The following SERPINB12 variants were observed in gnomAD, a reference collection of about 807,000 sequenced individuals.
SERPINB12 encodes the protein serpin family B member 12.
SERPINB12 carries 57 observed loss-of-function variants against 41.1 expected under a neutral mutation model. That is an observed-to-expected ratio of 1.39 (90% confidence interval 1.12 to 1.73). The LOEUF is 1.73. Ranked by LOEUF, SERPINB12 falls within the 40% of genes most tolerant of loss-of-function variation. The pLI, the probability that SERPINB12 is intolerant of heterozygous loss-of-function variation, is 0.00. For synonymous variants in SERPINB12, 180 were observed against 181.3 expected, an observed-to-expected ratio of 0.99 and a Z score of 0.06; for missense variants, 536 against 501.9, an observed-to-expected ratio of 1.07 and a Z score of -0.65.
chr18:63,563,105 T>C (rs759539793), intron 5 of SERPINB12, among the ~76,000 whole-genome samples: 2 of 152,178 alleles, frequency 1.3e-5, no homozygotes, highest in Non-Finnish European at 2.9e-5. Flanking sequence ...GATTCTTCTA[T>C]GAAGAAGGGA....
the SERPINB12 span, among the ~76,000 whole-genome samples, chr18:63,535,442 A>G: frequency 2.6e-5 from 4 of 152,216 alleles, no homozygotes; most frequent in Non-Finnish European, 4.4e-5. Context: ...GAATCTAATC[A>G]TGAGGAAACT....
chr18:63,527,393 C>A, the SERPINB12 span, among the ~76,000 whole-genome samples: 2 of 152,120 alleles, frequency 1.3e-5, no homozygotes, highest in Non-Finnish European at 2.9e-5. Context: ...CTTCAAATAA[C>A]AGTTCCATTA....
At chr18:63,539,132 T>G (rs1910226459), upstream of SERPINB12, among the ~76,000 whole-genome samples, 1 of 152,078 alleles carries the variant, frequency 6.6e-6, no homozygotes. Flanking sequence ...GGTTATTTCC[T>G]CTCTCCAACA....
intron 5 of SERPINB12, among the ~76,000 whole-genome samples, chr18:63,562,023 A>C (rs570502837): frequency 9.8e-5 from 15 of 152,336 alleles, no homozygotes; most frequent in East Asian, 1.9e-4. Flanking sequence ...AAATTTAAAA[A>C]AAAACAAAAC....
At chr18:63,527,305 C>G in the SERPINB12 span, among the ~76,000 whole-genome samples, 1 of 152,128 alleles carries the variant, frequency 6.6e-6, no homozygotes, top group Non-Finnish European at 1.5e-5. Flanking sequence ...TAGCTCTGAG[C>G]TCAAGATATT....
chr18:63,521,752 AC>A, the SERPINB12 span, among the ~76,000 whole-genome samples: 2 of 152,212 alleles, frequency 1.3e-5, no homozygotes, highest in Non-Finnish European at 2.9e-5. Context: ...TGGAGTCTGA[AC>A]ACCTCCAGTA....
At chr18:63,551,001 G>A (rs994429156) in intron 1 of SERPINB12, among the ~76,000 whole-genome samples, 3 of 152,068 alleles carry the variant, frequency 2.0e-5, no homozygotes, top group African/African-American at 4.8e-5. Flanking sequence ...CGGGCGCGGT[G>A]GTTCACGCCT....
the SERPINB12 span, among the ~76,000 whole-genome samples, chr18:63,524,951 T>C: frequency 9.2e-3 from 1,397 of 151,874 alleles, 27 homozygotes; most frequent in African/African-American, 0.031. Context: ...GGTTTTGCCA[T>C]GTTGGCCAGG....
chr18:63,552,512 CTG>C (rs1039411009), intron 1 of SERPINB12, among the ~76,000 whole-genome samples: 11 of 152,166 alleles, frequency 7.2e-5, no homozygotes, highest in Non-Finnish European at 1.0e-4. Flanking sequence ...CTATTTGAAT[CTG>C]TGTTATTAGC....
intron 1 of SERPINB12, among the ~76,000 whole-genome samples, chr18:63,550,071 A>C: frequency 6.6e-6 from 1 of 152,134 alleles, no homozygotes; most frequent in Non-Finnish European, 1.5e-5. Flanking sequence ...ACTGAACAGT[A>C]GCTATTAGTA....
upstream of SERPINB12, among the ~76,000 whole-genome samples, chr18:63,539,956 G>T (rs889158956): frequency 1.1e-4 from 17 of 151,918 alleles, no homozygotes; most frequent in African/African-American, 3.9e-4. Flanking sequence ...ATAGAGAATT[G>T]CAATTGGGTG....
intron 1 of SERPINB12, among the ~76,000 whole-genome samples, chr18:63,554,841 G>A (rs1448935032): frequency 2.0e-5 from 3 of 152,188 alleles, no homozygotes; most frequent in Non-Finnish European, 4.4e-5. Context: ...CGTGTTGAGG[G>A]AGAGACCTGG....
At chr18:63,563,181 G>A (rs546922699) in intron 5 of SERPINB12, among the ~76,000 whole-genome samples, 71 of 152,188 alleles carry the variant, frequency 4.7e-4, no homozygotes, top group Non-Finnish European at 8.4e-4. Context: ...ATGAGAAAGA[G>A]CATATAAAAG....
the SERPINB12 span, among the ~76,000 whole-genome samples, chr18:63,523,139 C>G: frequency 7.9e-5 from 12 of 152,076 alleles, no homozygotes; most frequent in Non-Finnish European, 1.8e-4. Context: ...TGTGGGGAAG[C>G]CTGCCAAAAA....
the SERPINB12 span, among the ~76,000 whole-genome samples, chr18:63,530,564 A>G: frequency 6.6e-5 from 10 of 152,220 alleles, no homozygotes; most frequent in African/African-American, 2.2e-4. Flanking sequence ...AAAACAATAG[A>G]TGAAAGTCAG....
intron 1 of SERPINB12, among the ~76,000 whole-genome samples, chr18:63,546,846 AG>A (rs1291609722): frequency 5.9e-5 from 9 of 152,184 alleles, no homozygotes; most frequent in African/African-American, 2.2e-4. Context: ...GCACTGGAAA[AG>A]TTCCACAGAG....
At chr18:63,559,485 A>G (rs1009732204) in intron 3 of SERPINB12, 93 bp from the exon 4 acceptor site, 16 of 1,301,904 alleles carry the variant, frequency 1.2e-5, no homozygotes, top group Middle Eastern at 2.1e-4. Context: ...AAGAAGCTCT[A>G]TCTTGCTTCT....
At chr18:63,535,651 G>T in the SERPINB12 span, among the ~76,000 whole-genome samples, 1 of 152,116 alleles carries the variant, frequency 6.6e-6, no homozygotes, top group African/African-American at 2.4e-5. Context: ...AGACATTTTT[G>T]GGATAACTGG....
chr18:63,564,354 G>T (rs1043038831), intron 6 of SERPINB12, among the ~76,000 whole-genome samples: 4 of 152,172 alleles, frequency 2.6e-5, no homozygotes, highest in Admixed American at 2.0e-4. Context: ...TATGAGATGG[G>T]TGTTATTATG....
Sources: allele counts gnomAD v4.1 joint callset (sites outside exome capture counted in the v4.1 genomes callset), GRCh38; gene constraint gnomAD v4.1.1; transcripts MANE v1.5; gene names NCBI Gene and HGNC (gene_info 2026-07-23, HGNC 2026-07-21).